RALYL: variants seen among roughly 807,000 people sequenced by gnomAD.
RALYL encodes RNA-binding Raly-like protein.
A neutral mutation model predicts 35.1 loss-of-function variants in RALYL; 29 were observed. The observed-to-expected ratio is 0.83, with a 90% CI of 0.61 to 1.13. RALYL has a LOEUF of 1.13. RALYL is among the 50% of genes most tolerant of loss of function. RALYL has a pLI of 0.00. For missense variants in RALYL, 359 were observed against 360.4 expected (o/e 1.00, Z 0.03); for synonymous variants, 120 against 127.6 (o/e 0.94, Z 0.40).
chr8:84,184,659 C>G (rs1160481041), intron 1 of RALYL, among the ~76,000 whole-genome samples: 2 of 151,988 alleles, frequency 1.3e-5, no homozygotes, highest in African/African-American at 4.8e-5. Context: ...CTCCCCCCAC[C>G]CCTCCCACGG....
At chr8:84,571,634 A>G (rs1297064349) in intron 2 of RALYL, among the ~76,000 whole-genome samples, 1 of 151,216 alleles carries the variant, frequency 6.6e-6, no homozygotes, top group Admixed American at 6.6e-5. Context: ...TATCTTTGCT[A>G]TTTATTTTCT....
intron 1 of RALYL, among the ~76,000 whole-genome samples, chr8:84,522,022 T>C (rs1454730204): frequency 6.6e-6 from 1 of 152,100 alleles, no homozygotes; most frequent in Non-Finnish European, 1.5e-5. Flanking sequence ...TTGCTTACGA[T>C]AATTTTAATA....
chr8:84,662,781 A>G (rs1831178872), intron 2 of RALYL, among the ~76,000 whole-genome samples: 1 of 152,160 alleles, frequency 6.6e-6, no homozygotes, highest in Non-Finnish European at 1.5e-5. Flanking sequence ...CTACATATTT[A>G]TATAAAATAG....
At chr8:84,532,573 C>T (rs1249609510) in intron 2 of RALYL, among the ~76,000 whole-genome samples, 1 of 151,868 alleles carries the variant, frequency 6.6e-6, no homozygotes, top group African/African-American at 2.4e-5. Flanking sequence ...TGTCAGGTAC[C>T]ACGACCTATC....
chr8:84,789,443 A>G (rs1820296526), intron 3 of RALYL, among the ~76,000 whole-genome samples: 1 of 152,226 alleles, frequency 6.6e-6, no homozygotes, highest in Admixed American at 6.5e-5. Context: ...GAATTGTAAC[A>G]TAATTTTATG....
chr8:84,783,904 T>C (rs1054838627), intron 3 of RALYL, among the ~76,000 whole-genome samples: 2 of 152,342 alleles, frequency 1.3e-5, no homozygotes, highest in South Asian at 4.1e-4. Context: ...GCAGAAAAAG[T>C]GAGCAACCAG....
intron 5 of RALYL, among the ~76,000 whole-genome samples, chr8:84,859,817 C>G (rs1390805719): frequency 1.3e-5 from 2 of 151,942 alleles, no homozygotes; most frequent in Non-Finnish European, 2.9e-5. Flanking sequence ...TGGTCTCCAG[C>G]CTGGGTGACA....
intron 1 of RALYL, among the ~76,000 whole-genome samples, chr8:84,265,654 A>T (rs1833153260): frequency 1.3e-5 from 2 of 152,238 alleles, no homozygotes; most frequent in Admixed American, 1.3e-4. Flanking sequence ...TGATATACAG[A>T]ACTGTAAAAT....
At chr8:84,589,499 A>T (rs1812753336) in intron 2 of RALYL, among the ~76,000 whole-genome samples, 1 of 152,236 alleles carries the variant, frequency 6.6e-6, no homozygotes, top group African/African-American at 2.4e-5. Flanking sequence ...GCAGTAGCAT[A>T]TATTTCATAT....
At chr8:84,415,172 T>G (rs1021523362) in intron 1 of RALYL, among the ~76,000 whole-genome samples, 14 of 151,944 alleles carry the variant, frequency 9.2e-5, no homozygotes, top group African/African-American at 3.1e-4. Context: ...TTTTTTTTTT[T>G]TTTAATGGAA....
intron 5 of RALYL, among the ~76,000 whole-genome samples, chr8:84,859,894 A>ATT (rs1303378398): frequency 6.6e-6 from 1 of 152,010 alleles, no homozygotes; most frequent in Non-Finnish European, 1.5e-5. Flanking sequence ...CTTTGAAGTA[A>ATT]CTCACCAAAA....
chr8:84,597,402 T>G (rs753101782), intron 2 of RALYL, among the ~76,000 whole-genome samples: 2 of 152,182 alleles, frequency 1.3e-5, no homozygotes, highest in Non-Finnish European at 2.9e-5. Context: ...TTCTGTTTTA[T>G]TGTCCAAACA....
chr8:84,424,158 T>C (rs1225650388), intron 1 of RALYL, among the ~76,000 whole-genome samples: 1 of 150,594 alleles, frequency 6.6e-6, no homozygotes, highest in African/African-American at 2.4e-5. Context: ...CCAACTTGGT[T>C]CCATTCTCCC....
At chr8:84,853,537 AT>A (rs573090374) in intron 5 of RALYL, among the ~76,000 whole-genome samples, 63 of 152,326 alleles carry the variant, frequency 4.1e-4, no homozygotes, top group African/African-American at 1.5e-3. Context: ...AATTTTCAAA[AT>A]CATTTATTTG....
chr8:84,834,585 G>A (rs1237748917), intron 4 of RALYL, among the ~76,000 whole-genome samples: 1 of 152,112 alleles, frequency 6.6e-6, no homozygotes, highest in Admixed American at 6.5e-5. Context: ...TTTTCCTCCA[G>A]CACCCTGTAC....
intron 2 of RALYL, among the ~76,000 whole-genome samples, chr8:84,587,891 C>T (rs1167284152): frequency 6.6e-6 from 1 of 152,142 alleles, no homozygotes; most frequent in Non-Finnish European, 1.5e-5. Context: ...AATTTTTAGC[C>T]TTCCTCGAGC....
chr8:84,700,934 G>T (rs1840074512), intron 2 of RALYL, among the ~76,000 whole-genome samples: 1 of 152,084 alleles, frequency 6.6e-6, no homozygotes, highest in African/African-American at 2.4e-5. Context: ...AAAAACCTGA[G>T]GAAAGTATTC....
chr8:84,809,366 T>C (rs1453365926), intron 4 of RALYL, among the ~76,000 whole-genome samples: 2 of 152,114 alleles, frequency 1.3e-5, no homozygotes, highest in East Asian at 1.9e-4. Flanking sequence ...TTTTGATATG[T>C]TGTTGGATTT....
chr8:84,283,096 A>T (rs943255209), intron 1 of RALYL, among the ~76,000 whole-genome samples: 1 of 152,136 alleles, frequency 6.6e-6, no homozygotes, highest in Non-Finnish European at 1.5e-5. Flanking sequence ...AAGGAATTTG[A>T]AAAGCATTTG....
Sources: gnomAD v4.1 joint callset for allele counts (sites outside exome capture counted in the v4.1 genomes callset) on GRCh38, gnomAD v4.1.1 for gene constraint, MANE v1.5 for transcripts, NCBI Gene and HGNC (gene_info 2026-07-23, HGNC 2026-07-21) for gene names.